The following KCP variants were observed in gnomAD, a reference collection of about 807,000 sequenced individuals.
KCP encodes kielin/chordin-like protein.
A neutral mutation model predicts 212.7 loss-of-function variants in KCP; 194 were observed. The observed-to-expected ratio is 0.91, with a 90% CI of 0.81 to 1.03. The LOEUF (loss-of-function observed/expected upper bound fraction) is 1.03, where lower values mean the gene tolerates loss of function less well. KCP is among the 50% of genes least tolerant of loss of function. The pLI, the probability that KCP is intolerant of heterozygous loss-of-function variation, is 0.00. For missense variants in KCP, 2,080 were observed against 2,162.5 expected, an observed-to-expected ratio of 0.96 and a Z score of 0.76; for synonymous variants, 833 against 865.3, an observed-to-expected ratio of 0.96 and a Z score of 0.65.
chr7:128,883,510 C>G (rs1362697519), intron 29 of KCP, among the ~76,000 whole-genome samples: 1 of 151,958 alleles, frequency 6.6e-6, no homozygotes, highest in Non-Finnish European at 1.5e-5. Flanking sequence ...TGGTATAGGA[C>G]CAGAAACAGA....
chr7:128,893,686 G>T, intron 11 of KCP, 120 bp downstream of exon 11: 1 of 1,129,776 alleles, frequency 8.9e-7, no homozygotes, highest in Non-Finnish European at 1.3e-6. Flanking sequence ...GGTGTGGTGA[G>T]GACTCACTTT....
rs1247404209 is a variant in KCP at position 128,903,834 on chromosome 7, G to A, written c.655-14C>T. 3.2e-6 allele frequency: 5 copies of A among 1,542,858 alleles called. No individual in the cohort carries two copies. Among genetic ancestry groups the A allele is most frequent in the South Asian group, 1.2e-5 (1 of 83,836 alleles). On this transcript the variant is annotated splice_polypyrimidine_tract_variant and intron_variant, in intron 6 of 39. Transcript: ENST00000610776. ...AACTCGGCTCCTCTGTAATGCACCA[G>A]TGGCTGTGAGGCTTCAGGTCTGGCT...
intron 22 of KCP, among the ~76,000 whole-genome samples, chr7:128,888,137 C>CAT (rs1271392084): frequency 1.4e-5 from 2 of 144,178 alleles, no homozygotes; most frequent in Admixed American, 1.4e-4. Flanking sequence ...CACACACACA[C>CAT]ACAGGGCCAC....
intron 29 of KCP, 138 bp from the exon 30 acceptor site, chr7:128,882,154 G>A: frequency 1.6e-6 from 1 of 620,430 alleles, no homozygotes; most frequent in Non-Finnish European, 2.9e-6. Context: ...CTTGACTCCA[G>A]GGAGGATAAG....
intron 7 of KCP, 45 bp downstream of exon 7, chr7:128,903,682 A>G (rs775869934): frequency 2.1e-6 from 3 of 1,448,956 alleles, no homozygotes; most frequent in Non-Finnish European, 2.8e-6. Flanking sequence ...AAATGGCACG[A>G]CAACCTACCT....
chr7:128,886,985 TCA>T lies in KCP; in HGVS notation c.2599-21_2599-20del. On this transcript the variant is annotated intron_variant, in intron 23 of 39. Coordinates refer to ENST00000610776, the MANE Select transcript of KCP (RefSeq NM_001366122.1). ...AACCTTCCTGGGGGAGAGAGGCCCATCACACCCTCAACTGGACTGCACATTTC... is the reference window on the plus strand; with the variant it reads ...AACCTTCCTGGGGGAGAGAGGCCCATCACCCTCAACTGGACTGCACATTTC... The T allele has an allele frequency of 7.5e-7, 1 of 1,325,932 alleles. No individual in the cohort carries two copies. The highest frequency in any genetic ancestry group is 1.1e-6 in the Non-Finnish European group (1 of 945,288). The allele number at this position is 1,325,932 out of a possible 1,614,324, so 82.1% of individuals were successfully genotyped here.
intron 27 of KCP, 54 bp from the exon 28 acceptor site, chr7:128,884,917 G>A (rs1793553354): frequency 3.9e-6 from 6 of 1,526,956 alleles, no homozygotes; most frequent in South Asian, 3.6e-5. Flanking sequence ...GGCTGGCAGC[G>A]AGGCAGGGGT....
At position 128,877,161 on chromosome 7, in the gene KCP, A is replaced by G. The variant is rs1161605870; in HGVS notation, c.4769T>C (p.Leu1590Pro). The part of the protein sequence containing the change: ...CVPGCQCPAG[L>P]VEHEAHCIPP... ...GATGCAGTGGGCCTCATGCTCCACC[A>G]GGCCTGCAGGGCACTGGCAGCCGGG... is the stretch of plus-strand genomic sequence containing the variant. Residue 1590 changes from leucine (L) to proline (P), a missense_variant, in exon 40 of 40, where the codon CTG (leucine) becomes CCG (proline). By Grantham distance (98) the Leu-to-Pro change is moderately conservative. Transcript: ENST00000610776. 3.3e-6 allele frequency: 5 copies of G among 1,495,906 alleles called. No individual in the cohort carries two copies. Among genetic ancestry groups the G allele is most frequent in the Non-Finnish European group, 3.6e-6 (4 of 1,123,346 alleles). The allele number at this position is 1,495,906 out of a possible 1,614,324, so 92.7% of individuals were successfully genotyped here. A position where few individuals can be genotyped will look rare whatever the true frequency, so the allele number is the denominator to read the frequency against.
intron 22 of KCP, among the ~76,000 whole-genome samples, chr7:128,888,463 G>A (rs570080856): frequency 8.2e-6 from 1 of 121,816 alleles, no homozygotes; most frequent in East Asian, 2.3e-4. Context: ...CACACACAGA[G>A]CAACACACAC....
Position 128,877,607 on chromosome 7 carries a change from C to T in KCP, c.4495G>A (p.Asp1499Asn), listed in dbSNP as rs958473901. Residue 1499 changes from aspartate to asparagine, a missense_variant, in exon 39 of 40, where the codon GAC (aspartate) becomes AAC (asparagine). By Grantham distance (23) the Asp-to-Asn change is conservative. Coordinates refer to ENST00000610776, the MANE Select transcript of KCP (RefSeq NM_001366122.1). ...GAGCCAGGGCCACAGGCACACAGGT[C>T]ATACACACAGGCGGCAAAGAAGGGC... ...PEPFFAACVY[D>N]LCACGPGSSA... 6.4e-7 allele frequency: 1 copy of T among 1,551,734 alleles called. No homozygotes were observed. The highest frequency in any genetic ancestry group is 8.7e-7 in the Non-Finnish European group (1 of 1,147,006).
chr7:128,888,593 G>C (rs931660394), intron 22 of KCP, among the ~76,000 whole-genome samples: 20 of 121,666 alleles, frequency 1.6e-4, no homozygotes, highest in African/African-American at 6.0e-4. Flanking sequence ...CACACACACA[G>C]AGCCACACAC....
At chr7:128,903,702 C>A in intron 7 of KCP, 25 bp downstream of exon 7, 1 of 1,520,024 alleles carries the variant, frequency 6.6e-7, no homozygotes, top group Non-Finnish European at 8.9e-7. Flanking sequence ...TGTGGCTCTA[C>A]CAGGGAGGGG....
chr7:128,878,250 G>T (rs1463075043), intron 38 of KCP, among the ~76,000 whole-genome samples: 1 of 151,954 alleles, frequency 6.6e-6, no homozygotes, highest in Non-Finnish European at 1.5e-5. Flanking sequence ...TAGAGATGGG[G>T]TTTCTCCATG....
rs1247832145 is a variant in KCP, at chr7:128,880,380, A to G, written c.3759+6T>C. 1 of 1,501,148 alleles carries G rather than the reference A, an allele frequency of 6.7e-7. No homozygotes were observed. The highest frequency in any genetic ancestry group is 1.4e-5 in the African/African-American group (1 of 71,750). The allele number at this position is 1,501,148 out of a possible 1,614,324, so 93.0% of individuals were successfully genotyped here. A position where few individuals can be genotyped will look rare whatever the true frequency, so the allele number is the denominator to read the frequency against. On this transcript the variant is annotated splice_donor_region_variant and intron_variant, in intron 34 of 39. Transcript: ENST00000610776. ...CCTCCCCACCATTTTAGATTGCGGC[A>G]CTCACGGGGCCACACGAGAGCGGTG...
intron 2 of KCP, 148 bp downstream of exon 2, chr7:128,908,278 G>GAAAGAAAGAAAGAAAGA: frequency 1.8e-6 from 1 of 558,034 alleles, no homozygotes; most frequent in South Asian, 8.6e-5. Flanking sequence ...AAGAAAGAAA[G>GAAAGAAAGAAAGAAAGA]AAAGAAAGAA....
rs1794081384 is a variant in KCP at position 128,890,985 on chromosome 7, G to A, written c.2084C>T (p.Ser695Phe). Reference sequence around the variant, plus strand: ...GCAGGGCAGCCGCTGGCAGGACACGGAGCCGTCGAGGCAGAGGCAGCGGCG... The same window carrying A: ...GCAGGGCAGCCGCTGGCAGGACACGAAGCCGTCGAGGCAGAGGCAGCGGCG... Reference protein sequence around the residue: ...PCRRCLCLDGSVSCQRLPCPP... With the variant: ...PCRRCLCLDGFVSCQRLPCPP... Residue 695 changes from serine to phenylalanine, a missense_variant, in exon 20 of 40, where the codon TCC becomes TTC. Physicochemically the swap from Ser to Phe is radical, Grantham distance 155. Transcript: ENST00000610776. 1.5e-6 allele frequency: 2 copies of A among 1,317,532 alleles called. No homozygotes were observed. The highest frequency in any genetic ancestry group is 1.9e-6 in the Non-Finnish European group (2 of 1,039,372). The allele number at this position is 1,317,532 out of a possible 1,614,324, so 81.6% of individuals were successfully genotyped here. A position where few individuals can be genotyped will look rare whatever the true frequency, so the allele number is the denominator to read the frequency against.
intron 29 of KCP, among the ~76,000 whole-genome samples, 184 bp from the exon 30 acceptor site, chr7:128,882,200 T>G (rs964509541): frequency 6.6e-6 from 1 of 152,184 alleles, no homozygotes; most frequent in African/African-American, 2.4e-5. Flanking sequence ...GTTTACACGT[T>G]TTAAAAGAAA....
chr7:128,884,919 G>A, intron 27 of KCP, 56 bp from the exon 28 acceptor site: 5 of 1,524,570 alleles, frequency 3.3e-6, no homozygotes, highest in Non-Finnish European at 4.5e-6. Context: ...CTGGCAGCGA[G>A]GCAGGGGTGG....
At chr7:128,880,303 C>T (rs9692170) in intron 34 of KCP, 83 bp downstream of exon 34, 2 of 1,443,246 alleles carry the variant, frequency 1.4e-6, no homozygotes, top group Non-Finnish European at 1.8e-6. Context: ...CAGCCTCCCT[C>T]TCTGATGCCT....
Sources: allele counts gnomAD v4.1 joint callset (sites outside exome capture counted in the v4.1 genomes callset), GRCh38; gene constraint gnomAD v4.1.1; transcripts MANE v1.5; gene names NCBI Gene and HGNC (gene_info 2026-07-23, HGNC 2026-07-21).